MCC: variants seen among roughly 807,000 people sequenced by gnomAD.
The protein encoded by MCC is colorectal mutant cancer protein.
In MCC, 90 loss-of-function variants were observed where a neutral mutation model predicts 116.2. The observed-to-expected ratio is 0.77, with a 90% CI of 0.65 to 0.92. The LOEUF is 0.92. MCC is among the 40% of genes least tolerant of loss of function. The pLI, the probability that MCC is intolerant of heterozygous loss-of-function variation, is 0.00. For missense variants in MCC, 1,516 were observed against 1,312.2 expected (o/e 1.16, Z -2.40); for synonymous variants, 578 against 510.5 (o/e 1.13, Z -1.78).
intron 1 of MCC, among the ~76,000 whole-genome samples, chr5:113,415,406 A>G (rs1264301412): frequency 2.6e-5 from 4 of 152,194 alleles, no homozygotes; most frequent in Non-Finnish European, 4.4e-5. Context: ...AGGTACACCA[A>G]TCAAATGTAG....
chr5:113,086,660 C>T (rs543013338), intron 8 of MCC, among the ~76,000 whole-genome samples: 6 of 152,264 alleles, frequency 3.9e-5, no homozygotes, highest in African/African-American at 1.4e-4. Flanking sequence ...AAGAGAGTTG[C>T]TAGAGATTGG....
In MCC at chr5:113,488,351, T is replaced by TGCCGCTGCCGCCGCC; in HGVS notation, c.63_64insGGCGGCGGCAGCGGC (p.Gly21_Ser22insGlyGlyGlySerGly). On this transcript the variant is annotated inframe_insertion, in exon 1 of 19. Coordinates refer to ENST00000408903, the MANE Select transcript of MCC (RefSeq NM_001085377.2). ...TCGCTGCTGCTGCTGCTGCTGCCGC[T>TGCCGCTGCCGCCGCC]GCCGCCGCCGCCGCCGCCGCTGCTG... 2 of 1,455,518 alleles carry TGCCGCTGCCGCCGCC rather than the reference T, an allele frequency of 1.4e-6. No individual in the cohort carries two copies. Among genetic ancestry groups the TGCCGCTGCCGCCGCC allele is most frequent in the East Asian group, 3.1e-5 (1 of 32,354 alleles). 90.2% of individuals were successfully genotyped at this position (1,455,518 alleles called of 1,614,324 possible).
At chr5:113,060,766 T>C (rs1753160440) in intron 14 of MCC, among the ~76,000 whole-genome samples, 1 of 152,222 alleles carries the variant, frequency 6.6e-6, no homozygotes, top group South Asian at 2.1e-4. Flanking sequence ...GCAGGAGGAC[T>C]GATCATAATG....
chr5:113,248,372 C>T (rs1241018482), intron 3 of MCC, among the ~76,000 whole-genome samples: 2 of 152,026 alleles, frequency 1.3e-5, no homozygotes, highest in South Asian at 2.1e-4. Context: ...GTTATTAGAT[C>T]ATGGGCATCA....
chr5:113,096,181 G>T (rs1041000325), intron 8 of MCC, among the ~76,000 whole-genome samples: 4 of 152,222 alleles, frequency 2.6e-5, no homozygotes, highest in African/African-American at 9.6e-5. Flanking sequence ...ATGAGGAGAA[G>T]GCAGAAAGCC....
At chr5:113,303,110 T>G (rs541246640) in intron 3 of MCC, among the ~76,000 whole-genome samples, 4 of 152,194 alleles carry the variant, frequency 2.6e-5, no homozygotes, top group Admixed American at 2.0e-4. Flanking sequence ...AAGTGTTCCA[T>G]GTTGGATGTG....
At chr5:113,191,477 TAGAA>T (rs1326442909) in intron 3 of MCC, among the ~76,000 whole-genome samples, 1 of 152,158 alleles carries the variant, frequency 6.6e-6, no homozygotes, top group Non-Finnish European at 1.5e-5. Context: ...GGCAGGCACC[TAGAA>T]GCCTTCCTGC....
At chr5:113,342,824 G>A (rs549170770) in intron 2 of MCC, among the ~76,000 whole-genome samples, 1 of 152,306 alleles carries the variant, frequency 6.6e-6, no homozygotes, top group East Asian at 1.9e-4. Flanking sequence ...GTATTGATAA[G>A]GTGAGACATT....
At chr5:113,222,254 G>A (rs1763578543) in intron 3 of MCC, among the ~76,000 whole-genome samples, 1 of 152,108 alleles carries the variant, frequency 6.6e-6, no homozygotes, top group Non-Finnish European at 1.5e-5. Flanking sequence ...GCTTTGCGTT[G>A]CCAGGATTAA....
intron 6 of MCC, among the ~76,000 whole-genome samples, chr5:113,113,783 G>A (rs1046256598): frequency 6.6e-6 from 1 of 151,666 alleles, no homozygotes; most frequent in South Asian, 2.1e-4. Context: ...AATGTCACAA[G>A]AGACAAAACA....
intron 3 of MCC, among the ~76,000 whole-genome samples, chr5:113,272,502 A>G (rs932400033): frequency 6.6e-6 from 1 of 152,198 alleles, no homozygotes; most frequent in African/African-American, 2.4e-5. Context: ...ATTGGGCTCT[A>G]CTGTGCTCAT....
chr5:113,449,916 G>A (rs1285295942), intron 1 of MCC, among the ~76,000 whole-genome samples: 2 of 152,076 alleles, frequency 1.3e-5, no homozygotes, highest in African/African-American at 2.4e-5. Flanking sequence ...TGAAGTACAC[G>A]GCTGCATTTG....
chr5:113,065,810 C>T (rs1218650635), intron 13 of MCC, among the ~76,000 whole-genome samples: 1 of 152,176 alleles, frequency 6.6e-6, no homozygotes, highest in African/African-American at 2.4e-5. Flanking sequence ...CATGATGGCA[C>T]AGTATGATGG....
At chr5:113,471,944 G>T (rs1301585134) in intron 1 of MCC, among the ~76,000 whole-genome samples, 1 of 152,126 alleles carries the variant, frequency 6.6e-6, no homozygotes, top group African/African-American at 2.4e-5. Flanking sequence ...GACTCCGTGG[G>T]CGTGGGACCC....
intron 3 of MCC, among the ~76,000 whole-genome samples, chr5:113,156,955 G>A (rs1760205636): frequency 1.3e-5 from 2 of 152,258 alleles, no homozygotes; most frequent in African/African-American, 4.8e-5. Context: ...CAGCCCCCCT[G>A]AGCCCAGGTA....
rs763025847 is a variant in MCC, at chr5:113,063,973, C to G, written c.2213+11G>C. ...CACACGCCCACCCCAGAGCAGAAGG[C>G]TGAGCATTACCTGGTGTGGCTGTTG... On this transcript the variant is annotated intron_variant, in intron 14 of 18. Transcript: ENST00000408903. 10 of 1,608,060 alleles carry G rather than the reference C, an allele frequency of 6.2e-6. No individual in the cohort carries two copies. The highest frequency in any genetic ancestry group is 7.6e-6 in the Non-Finnish European group (9 of 1,177,402).
intron 3 of MCC, among the ~76,000 whole-genome samples, chr5:113,158,454 G>T (rs1302448492): frequency 1.3e-5 from 2 of 152,326 alleles, no homozygotes; most frequent in East Asian, 3.9e-4. Flanking sequence ...TCCATCAGCT[G>T]CAGAGGAAAG....
At chr5:113,105,190 G>A (rs1756658118) in intron 6 of MCC, among the ~76,000 whole-genome samples, 1 of 152,206 alleles carries the variant, frequency 6.6e-6, no homozygotes, top group Non-Finnish European at 1.5e-5. Context: ...GATGCTGACT[G>A]ATTATATGTA....
chr5:113,446,886 A>G (rs1771235068), intron 1 of MCC, among the ~76,000 whole-genome samples: 1 of 152,078 alleles, frequency 6.6e-6, no homozygotes, highest in Non-Finnish European at 1.5e-5. Flanking sequence ...CATACCCCAA[A>G]CCTCAGTATC....
Sources: gnomAD v4.1 joint callset for allele counts (sites outside exome capture counted in the v4.1 genomes callset) on GRCh38, gnomAD v4.1.1 for gene constraint, MANE v1.5 for transcripts, NCBI Gene and HGNC (gene_info 2026-07-23, HGNC 2026-07-21) for gene names.